Variants in SLC8A1 observed in about 807,000 individuals in gnomAD.
The protein encoded by SLC8A1 is sodium/calcium exchanger 1.
SLC8A1 carries 18 observed loss-of-function variants against 68.3 expected under a neutral mutation model. The observed-to-expected ratio is 0.26, with a 90% confidence interval of 0.18 to 0.39. The LOEUF (loss-of-function observed/expected upper bound fraction) is 0.39, where lower values mean the gene tolerates loss of function less well. Among genes scored for constraint, SLC8A1 ranks in the 10% least tolerant of loss-of-function variants. SLC8A1 has a pLI of 1.00. For missense variants in SLC8A1, 985 were observed against 1,156.7 expected, an observed-to-expected ratio of 0.85 and a Z score of 2.15; for synonymous variants, 475 against 415.5, an observed-to-expected ratio of 1.14 and a Z score of -1.74.
chr2:40,113,298 C>T (rs1170151647), exon 8 of SLC8A1: 1 of 152,686 alleles, frequency 6.5e-6, no homozygotes, highest in Non-Finnish European at 1.5e-5. Flanking sequence ...GGAATGTCTC[C>T]AGCCTGGGAT....
intron 7 of SLC8A1, among the ~76,000 whole-genome samples, chr2:40,133,799 TGAAAG>T (rs1197876313): frequency 3.3e-5 from 5 of 151,880 alleles, no homozygotes; most frequent in Middle Eastern, 3.4e-3. Flanking sequence ...GAACAAGACA[TGAAAG>T]GAAAGTCCAT....
intron 7 of SLC8A1, chr2:40,120,801 G>A (rs1266173902): frequency 6.6e-6 from 1 of 152,162 alleles, no homozygotes; most frequent in Non-Finnish European, 1.5e-5. Flanking sequence ...TTAAAATTAG[G>A]TAAGAAATGT....
intron 2 of SLC8A1, among the ~76,000 whole-genome samples, chr2:40,270,987 C>G (rs531034169): frequency 4.6e-4 from 70 of 152,294 alleles, no homozygotes; most frequent in South Asian, 2.1e-3. Context: ...CCTATGCCCT[C>G]TCTCCTGAGG....
chr2:40,382,698 G>A (rs1216509478), intron 2 of SLC8A1, among the ~76,000 whole-genome samples: 1 of 152,012 alleles, frequency 6.6e-6, no homozygotes, highest in Non-Finnish European at 1.5e-5. Flanking sequence ...TATGGTTTGA[G>A]CAAATAAGAA....
At chr2:40,179,883 T>C (rs1391741298) in intron 2 of SLC8A1, among the ~76,000 whole-genome samples, 1 of 152,226 alleles carries the variant, frequency 6.6e-6, no homozygotes, top group Non-Finnish European at 1.5e-5. Context: ...GTCTTGCTTT[T>C]TGGCTTAGCA....
chr2:40,238,316 T>G (rs1292001754), intron 2 of SLC8A1, among the ~76,000 whole-genome samples: 3 of 152,116 alleles, frequency 2.0e-5, no homozygotes, highest in Non-Finnish European at 4.4e-5. Flanking sequence ...GGTGGGCCGT[T>G]TTTTAAGCCC....
chr2:40,297,997 A>T (rs965755417), intron 2 of SLC8A1, among the ~76,000 whole-genome samples: 11 of 152,108 alleles, frequency 7.2e-5, no homozygotes, highest in Non-Finnish European at 1.3e-4. Flanking sequence ...CTTCTGCCTC[A>T]GACTCCTGAG....
intron 2 of SLC8A1, among the ~76,000 whole-genome samples, chr2:40,389,025 C>T (rs906749552): frequency 3.3e-5 from 5 of 151,868 alleles, no homozygotes; most frequent in African/African-American, 7.3e-5. Context: ...TAAATACATA[C>T]GTATATATGT....
chr2:40,285,274 C>G (rs2068129902), intron 2 of SLC8A1, among the ~76,000 whole-genome samples: 1 of 152,104 alleles, frequency 6.6e-6, no homozygotes, highest in Non-Finnish European at 1.5e-5. Context: ...CAATATACAT[C>G]TGACAGACGT....
chr2:40,405,217 T>G (rs1487262597), intron 2 of SLC8A1, among the ~76,000 whole-genome samples: 1 of 152,180 alleles, frequency 6.6e-6, no homozygotes, highest in African/African-American at 2.4e-5. Flanking sequence ...AGAACATAAA[T>G]GAATCCCATT....
intron 2 of SLC8A1, among the ~76,000 whole-genome samples, chr2:40,212,377 C>G (rs1338651410): frequency 6.7e-6 from 1 of 149,606 alleles, no homozygotes; most frequent in East Asian, 2.0e-4. Context: ...CTCTGCCTCC[C>G]GGGTTCAAGC....
At chr2:40,139,320 T>C in intron 7 of SLC8A1, 81 bp downstream of exon 10, 1 of 1,515,866 alleles carries the variant, frequency 6.6e-7, no homozygotes, top group Non-Finnish European at 9.0e-7. Flanking sequence ...ATCACAGCCC[T>C]TGAAATTGTA....
At chr2:40,488,325 A>G (rs970422973) in intron 1 of SLC8A1, among the ~76,000 whole-genome samples, 4 of 151,980 alleles carry the variant, frequency 2.6e-5, no homozygotes, top group East Asian at 1.9e-4. Context: ...AAAGACTATA[A>G]ATGACAGGGA....
chr2:40,137,575 A>G (rs960576248), intron 7 of SLC8A1, among the ~76,000 whole-genome samples: 1 of 152,160 alleles, frequency 6.6e-6, no homozygotes, highest in Non-Finnish European at 1.5e-5. Context: ...GACAACCACA[A>G]TGTTGATTCC....
chr2:40,194,343 C>A (rs2052503498), intron 2 of SLC8A1, among the ~76,000 whole-genome samples: 1 of 151,846 alleles, frequency 6.6e-6, no homozygotes. Context: ...TGCAGGAGAA[C>A]TGGTGAGAGA....
At position 40,392,116 on chromosome 2, in the gene SLC8A1, G is replaced by A. The variant is rs146121449; in HGVS notation, c.1808+36357C>T. Reference sequence around the variant, plus strand: ...AAAAGAAAGCGAGAATGAACAAAGAGTGAACAAATGAACCAACGGAAGAAT... The same window carrying A: ...AAAAGAAAGCGAGAATGAACAAAGAATGAACAAATGAACCAACGGAAGAAT... On this transcript the variant is annotated intron_variant, in intron 2 of 7. Coordinates refer to ENST00000406785, the Ensembl canonical transcript of SLC8A1. Among the ~76,000 whole-genome samples the A allele has an allele frequency of 3.3e-4, 49 of 147,568 alleles. 1 individual carries two copies. In the East Asian group the frequency reaches 9.0e-3, roughly 27 times the overall value.
chr2:40,123,950 A>C (rs1320145182), intron 7 of SLC8A1, among the ~76,000 whole-genome samples: 1 of 152,040 alleles, frequency 6.6e-6, no homozygotes, highest in African/African-American at 2.4e-5. Context: ...CCTTCCCAAT[A>C]ATCTCCCTCT....
At chr2:40,174,775 T>C in intron 4 of SLC8A1, 50 bp downstream of exon 5, 1 of 1,593,846 alleles carries the variant, frequency 6.3e-7, no homozygotes, top group Non-Finnish European at 8.6e-7. Flanking sequence ...TAACATCTGG[T>C]GAGAACAGAC....
chr2:40,263,434 G>T (rs970704310), intron 2 of SLC8A1, among the ~76,000 whole-genome samples: 9 of 152,066 alleles, frequency 5.9e-5, no homozygotes, highest in African/African-American at 9.7e-5. Flanking sequence ...GAGGCATCAC[G>T]CTACATGACT....
Sources: gnomAD v4.1 joint callset for allele counts (sites outside exome capture counted in the v4.1 genomes callset) on GRCh38, gnomAD v4.1.1 for gene constraint, MANE v1.5 for transcripts, NCBI Gene and HGNC (gene_info 2026-07-23, HGNC 2026-07-21) for gene names.